The following TNKS2 variants were observed in gnomAD, a reference collection of about 807,000 sequenced individuals.
The protein encoded by TNKS2 is tankyrase 2, also known as poly [ADP-ribose] polymerase tankyrase-2.
TNKS2 carries 72 observed loss-of-function variants against 137.6 expected under a neutral mutation model. That is an observed-to-expected ratio of 0.52 (90% CI 0.43 to 0.64). The LOEUF (loss-of-function observed/expected upper bound fraction) is 0.64. Ranked by LOEUF, TNKS2 falls within the 30% of genes least tolerant of loss-of-function variation. The pLI is 0.00. For missense variants in TNKS2, 1,049 were observed against 1,410.2 expected (o/e 0.74, Z 4.10); for synonymous variants, 516 against 512.1 (o/e 1.01, Z -0.10).
chr10:91,807,519 A>T (rs2133590279), intron 1 of TNKS2: 2 of 1,306,792 alleles, frequency 1.5e-6, no homozygotes, highest in South Asian at 2.4e-5. Flanking sequence ...GGGAGTCGCC[A>T]ACCGACGCGA....
At chr10:91,809,482 C>A (rs531755863) in intron 1 of TNKS2, among the ~76,000 whole-genome samples, 2 of 151,802 alleles carry the variant, frequency 1.3e-5, no homozygotes, top group Non-Finnish European at 2.9e-5. Context: ...TTGGCTAACA[C>A]GGTGAAACCC....
Position 91,865,274 on chromosome 10 carries a change from G to C in TNKS2, c.*2275G>C, listed in dbSNP as rs1274965795. The stretch of plus-strand genomic sequence containing the variant: ...TAATTCTTAATAAAACTGTTCACTT[G>C]TTTTTCTGGGTAGCATGGTAATTAC... On this transcript the variant is annotated 3_prime_UTR_variant, in exon 27 of 27. Coordinates refer to ENST00000371627, the MANE Select transcript of TNKS2 (RefSeq NM_025235.4). 1 of 152,330 alleles carries C rather than the reference G, an allele frequency of 6.6e-6. No individual in the cohort carries two copies. Among genetic ancestry groups the C allele is most frequent in the Non-Finnish European group, 1.5e-5 (1 of 67,986 alleles). 9.4% of individuals were successfully genotyped at this position (152,330 alleles called of 1,614,324 possible). A position where few individuals can be genotyped will look rare whatever the true frequency, so the allele number is the denominator to read the frequency against.
Position 91,833,934 on chromosome 10 carries a change from C to T in TNKS2, c.1357C>T (p.Leu453=), listed in dbSNP as rs1426566656. Residue 453 remains leucine (L), a synonymous_variant, in exon 12 of 27, where the codon CTG becomes TTG. Transcript: ENST00000371627. ...TCATCTACAAACCTGCCGCCTACTC[C>T]TGAGCTATGGGTGTGATCCTAACAT... ...CGHLQTCRLL[L]SYGCDPNIIS... The T allele has an allele frequency of 2.5e-6, 4 of 1,613,956 alleles. No individual in the cohort carries two copies. In the East Asian group the frequency reaches 8.9e-5, roughly 36 times the overall value.
intron 1 of TNKS2, among the ~76,000 whole-genome samples, chr10:91,800,455 A>T (rs1223954079): frequency 6.6e-6 from 1 of 152,370 alleles, no homozygotes; most frequent in East Asian, 1.9e-4. Context: ...GTGAGTTCAT[A>T]TCTGAAAATA....
Position 91,798,892 on chromosome 10 carries a change from A to G in TNKS2, c.199+3A>G. On this transcript the variant is annotated splice_donor_region_variant and intron_variant, in intron 1 of 26. Transcript: ENST00000371627. ...CACCCCGCTGCACTTCGCCGCAGGT[A>G]ACCGGGGCCAGCGTCCCCTCGCCTC... The G allele has an allele frequency of 7.3e-7, 1 of 1,378,596 alleles. No homozygotes were observed. The highest frequency in any genetic ancestry group is 2.0e-4 in the Middle Eastern group (1 of 5,020). 85.4% of individuals were successfully genotyped at this position (1,378,596 alleles called of 1,614,324 possible). A position where few individuals can be genotyped will look rare whatever the true frequency, so the allele number is the denominator to read the frequency against.
Position 91,798,852 on chromosome 10 carries a change from G to A in TNKS2, c.162G>A (p.Thr54=). ...VTPEKVNSRD[T]AGRKSTPLHF... is the part of the protein sequence containing the mutation. ...CTGAGAAGGTGAACAGCCGCGACAC[G>A]GCGGGCAGGAAATCCACCCCGCTGC... The change falls in exon 1 of 27, where the codon ACG becomes ACA. Residue 54 remains threonine (T), a synonymous_variant. Coordinates refer to ENST00000371627, the MANE Select transcript of TNKS2 (RefSeq NM_025235.4). The A allele has an allele frequency of 7.4e-7, 1 of 1,360,288 alleles. No individual in the cohort carries two copies. Among genetic ancestry groups the A allele is most frequent in the Non-Finnish European group, 9.5e-7 (1 of 1,048,396 alleles). The allele number at this position is 1,360,288 out of a possible 1,614,324, so 84.3% of individuals were successfully genotyped here. A position where few individuals can be genotyped will look rare whatever the true frequency, so the allele number is the denominator to read the frequency against.
chr10:91,851,169 C>T, intron 20 of TNKS2, 47 bp from the exon 21 acceptor site: 1 of 1,602,308 alleles, frequency 6.2e-7, no homozygotes, highest in Non-Finnish European at 8.5e-7. Context: ...ATATGAATGT[C>T]CACCAAATAA....
At chr10:91,841,896 A>G (rs988231571) in intron 15 of TNKS2, among the ~76,000 whole-genome samples, 1 of 152,174 alleles carries the variant, frequency 6.6e-6, no homozygotes, top group Admixed American at 6.5e-5. Context: ...TATAACATGA[A>G]AGTTAATTTT....
At chr10:91,823,389 G>A (rs2901509) in intron 7 of TNKS2, among the ~76,000 whole-genome samples, 97,292 of 140,522 alleles carry the variant, frequency 0.69, 34,893 homozygotes, top group East Asian at 0.9. Context: ...GTGCAGTGGC[G>A]CAATCTCGGC....
At chr10:91,859,907 G>T (rs974781374) in intron 25 of TNKS2, among the ~76,000 whole-genome samples, 3 of 152,160 alleles carry the variant, frequency 2.0e-5, no homozygotes, top group Admixed American at 6.5e-5. Context: ...ATACTGAGTA[G>T]AAAGTAACAT....
chr10:91,808,437 A>G (rs980551570), intron 1 of TNKS2, among the ~76,000 whole-genome samples: 7 of 152,252 alleles, frequency 4.6e-5, no homozygotes, highest in Non-Finnish European at 1.0e-4. Flanking sequence ...GCCATAGTAG[A>G]GTGTTTGAAT....
At chr10:91,832,682 G>A (rs567569447) in intron 11 of TNKS2, among the ~76,000 whole-genome samples, 1 of 152,084 alleles carries the variant, frequency 6.6e-6, no homozygotes, top group African/African-American at 2.4e-5. Context: ...ATTGGTCAGT[G>A]TCTCAAAACA....
chr10:91,843,374 A>G (rs185423182), intron 16 of TNKS2, among the ~76,000 whole-genome samples: 212 of 152,266 alleles, frequency 1.4e-3, no homozygotes, highest in Non-Finnish European at 2.4e-3. Context: ...CCTAGTCTCT[A>G]CTTTTAAGGA....
intron 24 of TNKS2, among the ~76,000 whole-genome samples, chr10:91,858,177 C>T (rs189907146): frequency 6.6e-6 from 1 of 152,158 alleles, no homozygotes; most frequent in Admixed American, 6.5e-5. Context: ...TTCATTTGTC[C>T]TTGATTGCAG....
rs115600676 is a variant in TNKS2, at chr10:91,846,042, A to G, written c.2358+102A>G. ...CTTTATAGTCAATGTGAATGGCAAAATCTGGGTTTTAGCCTGATTTTAATG... is the reference window on the plus strand; with the variant it reads ...CTTTATAGTCAATGTGAATGGCAAAGTCTGGGTTTTAGCCTGATTTTAATG... On this transcript the variant is annotated intron_variant, in intron 18 of 26. Coordinates refer to ENST00000371627, the MANE Select transcript of TNKS2 (RefSeq NM_025235.4). 3.2e-3 allele frequency: 3,417 copies of G among 1,061,972 alleles called. 73 individuals are homozygous for G. In the African/African-American group the frequency reaches 0.049, roughly 15 times the overall value. The allele number at this position is 1,061,972 out of a possible 1,614,324, so 65.8% of individuals were successfully genotyped here.
intron 24 of TNKS2, 62 bp downstream of exon 24, chr10:91,857,592 G>T: frequency 9.3e-6 from 10 of 1,077,690 alleles, no homozygotes; most frequent in Non-Finnish European, 1.4e-5. Context: ...TTTTTGTTCA[G>T]ATATGAAATA....
At chr10:91,834,267 C>T (rs931917592) in intron 12 of TNKS2, among the ~76,000 whole-genome samples, 5 of 152,032 alleles carry the variant, frequency 3.3e-5, no homozygotes, top group Non-Finnish European at 7.4e-5. Context: ...AGATGGCTTT[C>T]AAGTTTTTAT....
chr10:91,853,215 A>G (rs1203017216), intron 21 of TNKS2, among the ~76,000 whole-genome samples: 1 of 152,204 alleles, frequency 6.6e-6, no homozygotes, highest in Non-Finnish European at 1.5e-5. Context: ...GAAAAGCTGA[A>G]AGGCTCAATG....
Position 91,865,061 on chromosome 10 carries a change from G to C in TNKS2, c.*2062G>C, listed in dbSNP as rs1186423384. ...ATAGCTTTTTGTTTGTTGGGAAGTT[G>C]GGGTTTTGGGGGGAGGGGGAGTATT... is the stretch of plus-strand genomic sequence containing the variant. On this transcript the variant is annotated 3_prime_UTR_variant, in exon 27 of 27. Coordinates refer to ENST00000371627, the MANE Select transcript of TNKS2 (RefSeq NM_025235.4). 1 of 152,328 alleles carries C rather than the reference G, an allele frequency of 6.6e-6. No individual in the cohort carries two copies. Among genetic ancestry groups the C allele is most frequent in the African/African-American group, 2.4e-5 (1 of 41,380 alleles). The allele number at this position is 152,328 out of a possible 1,614,324, so 9.4% of individuals were successfully genotyped here. A position where few individuals can be genotyped will look rare whatever the true frequency, so the allele number is the denominator to read the frequency against.
Sources: allele counts gnomAD v4.1 joint callset (sites outside exome capture counted in the v4.1 genomes callset), GRCh38; gene constraint gnomAD v4.1.1; transcripts MANE v1.5; gene names NCBI Gene and HGNC (gene_info 2026-07-23, HGNC 2026-07-21).